The following SV2B variants were observed in gnomAD, a reference collection of about 807,000 sequenced individuals.
The protein encoded by SV2B is synaptic vesicle glycoprotein 2B, also known as solute carrier family 22 member B2.
SV2B carries 41 observed loss-of-function variants against 73.9 expected under a neutral mutation model. The ratio of observed to expected loss-of-function variants is 0.56; its 90% CI spans 0.43 to 0.72. The LOEUF (loss-of-function observed/expected upper bound fraction) is 0.72, where lower values mean the gene tolerates loss of function less well. Ranked by LOEUF, SV2B falls within the 30% of genes least tolerant of loss-of-function variation. The pLI is 0.00. For missense variants in SV2B, 764 were observed against 857.8 expected (o/e 0.89, Z 1.37); for synonymous variants, 314 against 314.2 (o/e 1.00, Z 0.01).
In SV2B at chr15:91,129,443, G is replaced by A. The variant is rs2042579062; in HGVS notation, c.-392+29080G>A. Among the ~76,000 whole-genome samples, 1 of 152,194 alleles carries A rather than the reference G, an allele frequency of 6.6e-6. No individual in the cohort carries two copies. On this transcript the variant is annotated intron_variant, in intron 1 of 12. Transcript: ENST00000394232. The surrounding 1 kb of genome is among the most constrained non-coding windows in gnomAD (Gnocchi z 5.1). ...TGGGGGAGGAAGGAGCATTGAGGCT[G>A]AGTCAAGTGCAATGGTGGGGATCAG...
intron 9 of SV2B, among the ~76,000 whole-genome samples, chr15:91,272,063 C>T (rs1475237372): frequency 6.6e-6 from 1 of 152,094 alleles, no homozygotes; most frequent in Non-Finnish European, 1.5e-5. Flanking sequence ...TCTCTTTGCC[C>T]CCAAGAAGAA....
Position 91,265,838 on chromosome 15 carries a change from A to C in SV2B, c.1009-744A>C, listed in dbSNP as rs765174155. Reference sequence around the variant, plus strand: ...CTTTAGCAGATTCTCAAATTCTCCCAAAAGCTTAAGAACCACTGTTTTGGC... The same window carrying C: ...CTTTAGCAGATTCTCAAATTCTCCCCAAAGCTTAAGAACCACTGTTTTGGC... On this transcript the variant is annotated intron_variant, in intron 6 of 12. Transcript: ENST00000394232. This position sits in a 1 kb window ranked among gnomAD's most constrained non-coding sequence, Gnocchi z 4.2. Among the ~76,000 whole-genome samples, 1 of 152,230 alleles carries C rather than the reference A, an allele frequency of 6.6e-6. No homozygotes were observed. Among genetic ancestry groups the C allele is most frequent in the Non-Finnish European group, 1.5e-5 (1 of 68,048 alleles).
chr15:91,190,464 T>C (rs373830197), intron 1 of SV2B, among the ~76,000 whole-genome samples: 2 of 152,200 alleles, frequency 1.3e-5, no homozygotes, highest in East Asian at 3.8e-4. Context: ...GCATGGAAAA[T>C]TCCCCCATTC....
rs2141512578 is a variant in SV2B at position 91,231,342 on chromosome 15, C to T, written c.451+4628C>T. On this transcript the variant is annotated intron_variant, in intron 2 of 12. Transcript: ENST00000394232. The surrounding 1 kb of genome is among the most constrained non-coding windows in gnomAD (Gnocchi z 4.5). ...GGGCCTGTGGTTTAGGGTGATCACT[C>T]TGCCCCAGTGATTTTGGTACTGAGA... is the stretch of plus-strand genomic sequence containing the variant. 6.6e-6 allele frequency among the ~76,000 whole-genome samples: 1 copy of T among 152,236 alleles called. No individual in the cohort carries two copies. Among genetic ancestry groups the T allele is most frequent in the South Asian group, 2.1e-4 (1 of 4,818 alleles).
chr15:91,254,758 G>C (rs2047621696), intron 4 of SV2B, among the ~76,000 whole-genome samples: 1 of 152,142 alleles, frequency 6.6e-6, no homozygotes, highest in South Asian at 2.1e-4. Context: ...CAATTCTTGA[G>C]GTGCACAGAG....
chr15:91,252,118 T>C lies in SV2B; in HGVS notation c.632+119T>C. On this transcript the variant is annotated intron_variant, in intron 3 of 12. Transcript: ENST00000394232. The surrounding 1 kb of genome is among the most constrained non-coding windows in gnomAD (Gnocchi z 4.6). Reference sequence around the variant, plus strand: ...GGACTGACTGAGTTTTTGTTTGACTTTCAGGATACTATATTAAAGTTGAAC... The same window carrying C: ...GGACTGACTGAGTTTTTGTTTGACTCTCAGGATACTATATTAAAGTTGAAC... The C allele has an allele frequency of 7.5e-7, 1 of 1,336,956 alleles. No homozygotes were observed. Among genetic ancestry groups the C allele is most frequent in the Non-Finnish European group, 1.0e-6 (1 of 984,592 alleles). The allele number at this position is 1,336,956 out of a possible 1,614,324, so 82.8% of individuals were successfully genotyped here. A position where few individuals can be genotyped will look rare whatever the true frequency, so the allele number is the denominator to read the frequency against.
At chr15:91,119,337 G>A (rs925211608) in intron 1 of SV2B, among the ~76,000 whole-genome samples, 2 of 152,130 alleles carry the variant, frequency 1.3e-5, no homozygotes, top group African/African-American at 4.8e-5. Flanking sequence ...ACAGAGCTAC[G>A]GCCAGCAATT....
Position 91,284,065 on chromosome 15 carries a change from A to T in SV2B, c.1552A>T (p.Thr518Ser), listed in dbSNP as rs1256080624. ...CATCAACTGTCGGTTTATCAACTCC[A>T]CCTTCCTGGAGCAGAAGGAGGGCTG... Reference protein sequence around the residue: ...KFINCRFINSTFLEQKEGCHM... With the variant: ...KFINCRFINSSFLEQKEGCHM... The change falls in exon 11 of 13, where the codon ACC becomes TCC. Residue 518 changes from threonine to serine, a missense_variant. Thr to Ser is a moderately conservative substitution (Grantham distance 58). Coordinates refer to ENST00000394232, the MANE Select transcript of SV2B (RefSeq NM_001323032.3). The surrounding 1 kb of genome is among the most constrained non-coding windows in gnomAD (Gnocchi z 4.5). The T allele has an allele frequency of 4.3e-6, 7 of 1,613,996 alleles. No individual in the cohort carries two copies. Among genetic ancestry groups the T allele is most frequent in the Non-Finnish European group, 5.9e-6 (7 of 1,180,004 alleles).
At chr15:91,249,149 C>T (rs527577595) in intron 2 of SV2B, among the ~76,000 whole-genome samples, 1 of 151,844 alleles carries the variant, frequency 6.6e-6, no homozygotes, top group African/African-American at 2.4e-5. Context: ...TAGCCTGAAC[C>T]CTCACCAGAT....
rs970988900 is a variant in SV2B at position 91,239,810 on chromosome 15, A to G, written c.452-12009A>G. Among the ~76,000 whole-genome samples, 2 of 152,164 alleles carry G rather than the reference A, an allele frequency of 1.3e-5. No homozygotes were observed. Among genetic ancestry groups the G allele is most frequent in the Non-Finnish European group, 2.9e-5 (2 of 68,032 alleles). On this transcript the variant is annotated intron_variant, in intron 2 of 12. Transcript: ENST00000394232. This position sits in a 1 kb window ranked among gnomAD's most constrained non-coding sequence, Gnocchi z 5.1. ...GGTACCAGAGTTGGTTCGATGACTC[A>G]CTGATGTCAGGGCATGAGGTTGGCA...
intron 1 of SV2B, among the ~76,000 whole-genome samples, chr15:91,158,713 C>T (rs1384706179): frequency 1.8e-3 from 137 of 75,788 alleles, no homozygotes; most frequent in African/African-American, 5.2e-3. Context: ...CCTCTCCTCT[C>T]CTCTCCTCTC....
intron 1 of SV2B, among the ~76,000 whole-genome samples, chr15:91,113,070 G>A (rs777411471): frequency 1.7e-4 from 26 of 152,102 alleles, no homozygotes; most frequent in Non-Finnish European, 2.6e-4. Context: ...GGCCTGAAGC[G>A]GTGCTCTCAC....
At chr15:91,262,922 T>C (rs141066290) in intron 6 of SV2B, among the ~76,000 whole-genome samples, 532 of 152,348 alleles carry the variant, frequency 3.5e-3, no homozygotes, top group African/African-American at 0.012. Flanking sequence ...CCTCGTTCCA[T>C]GGCCAGAGGA....
Position 91,105,031 on chromosome 15 carries a change from C to T in SV2B, c.-392+4668C>T, listed in dbSNP as rs904940460. Among the ~76,000 whole-genome samples the T allele has an allele frequency of 1.3e-5, 2 of 152,148 alleles. No individual in the cohort carries two copies. Among genetic ancestry groups the T allele is most frequent in the African/African-American group, 2.4e-5 (1 of 41,430 alleles). On this transcript the variant is annotated intron_variant, in intron 1 of 12. Coordinates refer to ENST00000394232, the MANE Select transcript of SV2B (RefSeq NM_001323032.3). The surrounding 1 kb of genome is among the most constrained non-coding windows in gnomAD (Gnocchi z 5.5). ...TACTTGCTCTTGTGACTGTCTCTTT[C>T]TGTGTTTCTGTGGTTGACCATCTAG...
intron 1 of SV2B, among the ~76,000 whole-genome samples, chr15:91,179,529 A>T (rs1485775947): frequency 6.6e-6 from 1 of 152,062 alleles, no homozygotes; most frequent in Non-Finnish European, 1.5e-5. Flanking sequence ...TGGGAGTCTA[A>T]GTCTCTTTGT....
intron 9 of SV2B, among the ~76,000 whole-genome samples, chr15:91,271,325 A>T (rs2048312413): frequency 6.6e-6 from 1 of 152,164 alleles, no homozygotes; most frequent in South Asian, 2.1e-4. Context: ...TATCATTGTG[A>T]TATGAGTAAT....
At chr15:91,191,301 ATCT>A (rs2045019484) in intron 1 of SV2B, among the ~76,000 whole-genome samples, 2 of 151,834 alleles carry the variant, frequency 1.3e-5, no homozygotes, top group South Asian at 2.1e-4. Flanking sequence ...GCTCCTAGTA[ATCT>A]TCTTCTCAAT....
At chr15:91,287,486 T>A (rs1183094939) in intron 11 of SV2B, among the ~76,000 whole-genome samples, 1 of 152,188 alleles carries the variant, frequency 6.6e-6, no homozygotes, top group Non-Finnish European at 1.5e-5. Context: ...ATGTTCTGCA[T>A]CCACCTTGGA....
At chr15:91,168,218 T>A (rs968417071) in intron 1 of SV2B, among the ~76,000 whole-genome samples, 2 of 152,024 alleles carry the variant, frequency 1.3e-5, no homozygotes, top group Admixed American at 1.3e-4. Context: ...CTTGGTTTTC[T>A]GGTAGAAATC....
Sources: allele counts gnomAD v4.1 joint callset (sites outside exome capture counted in the v4.1 genomes callset), GRCh38; gene constraint gnomAD v4.1.1; non-coding constraint Gnocchi (gnomAD v3.1); transcripts MANE v1.5; gene names NCBI Gene and HGNC (gene_info 2026-07-23, HGNC 2026-07-21).